The following TTC7B variants were observed in gnomAD, a reference collection of about 807,000 sequenced individuals.
TTC7B encodes tetratricopeptide repeat domain 7B.
In TTC7B, 28 loss-of-function variants were observed where a neutral mutation model predicts 106.8. The ratio of observed to expected loss-of-function variants is 0.26; its 90% CI spans 0.19 to 0.36. The LOEUF is 0.36. TTC7B is among the 10% of genes least tolerant of loss of function. The pLI is 1.00. For synonymous variants in TTC7B, 405 were observed against 430.6 expected (o/e 0.94, Z 0.74); for missense variants, 862 against 1,076.4 (o/e 0.80, Z 2.79).
chr14:90,639,651 C>T (rs1462057426), intron 15 of TTC7B, among the ~76,000 whole-genome samples: 1 of 152,188 alleles, frequency 6.6e-6, no homozygotes, highest in African/African-American at 2.4e-5. Flanking sequence ...TGAAGATACA[C>T]AAATCCTACG....
At chr14:90,636,901 T>C (rs1325639861) in intron 15 of TTC7B, among the ~76,000 whole-genome samples, 6 of 151,284 alleles carry the variant, frequency 4.0e-5, no homozygotes, top group African/African-American at 9.7e-5. Flanking sequence ...AGAGGAAAAT[T>C]TTTAGTCTTA....
At chr14:90,596,805 C>T (rs1017823029) in intron 17 of TTC7B, among the ~76,000 whole-genome samples, 2 of 152,178 alleles carry the variant, frequency 1.3e-5, no homozygotes, top group Non-Finnish European at 2.9e-5. Context: ...ATACCAGGCC[C>T]ATACTAAGTA....
chr14:90,641,942 T>G (rs965411910), intron 15 of TTC7B, among the ~76,000 whole-genome samples: 1 of 151,810 alleles, frequency 6.6e-6, no homozygotes, highest in Non-Finnish European at 1.5e-5. Flanking sequence ...TGCGTGTGTG[T>G]GTGTGTGTGT....
intron 5 of TTC7B, among the ~76,000 whole-genome samples, chr14:90,709,920 C>T (rs2983729): frequency 0.34 from 46,255 of 137,632 alleles, 7,922 homozygotes; most frequent in Middle Eastern, 0.43. Flanking sequence ...CTAATGAGTG[C>T]AATTTCATGT....
In TTC7B at chr14:90,527,176, A is replaced by G. The variant is rs983682714; in HGVS notation, c.*14192T>C. On this transcript the variant is annotated 3_prime_UTR_variant, in exon 20 of 20. Coordinates refer to ENST00000328459, the MANE Select transcript of TTC7B (RefSeq NM_001010854.2). ...TGCTCACCCCATCATATCTGGGGGT[A>G]CCTGGTATTCACACGACTCATCACT... 6.6e-6 allele frequency: 1 copy of G among 151,886 alleles called. No individual in the cohort carries two copies. The highest frequency in any genetic ancestry group is 2.4e-5 in the African/African-American group (1 of 41,348). 9.4% of individuals were successfully genotyped at this position (151,886 alleles called of 1,614,324 possible).
chr14:90,602,216 C>A (rs185392436), intron 17 of TTC7B: 57 of 455,918 alleles, frequency 1.3e-4, no homozygotes, highest in African/African-American at 1.1e-3. Context: ...GTGGAAAAAA[C>A]GATTACATTA....
In TTC7B at chr14:90,711,386, ATAGTT is replaced by A. The variant is rs1331500373; in HGVS notation, c.699-15813_699-15809del. On this transcript the variant is annotated intron_variant, in intron 5 of 19. Coordinates refer to ENST00000328459, the MANE Select transcript of TTC7B (RefSeq NM_001010854.2). ...CAATACTAACTTGAAGTTGACTGTG[ATAGTT>A]TAAAGATATATATTATAATCCATAG... Among the ~76,000 whole-genome samples, 4 of 152,328 alleles carry A rather than the reference ATAGTT, an allele frequency of 2.6e-5. No individual in the cohort carries two copies. The East Asian group carries it at 5.8e-4, about 22-fold the overall frequency.
intron 3 of TTC7B, among the ~76,000 whole-genome samples, chr14:90,745,855 CCACCA>C (rs981986512): frequency 6.6e-6 from 1 of 151,886 alleles, no homozygotes; most frequent in African/African-American, 2.4e-5. Flanking sequence ...CGGGCGCATT[CCACCA>C]CACCTGGCCA....
intron 17 of TTC7B, among the ~76,000 whole-genome samples, chr14:90,598,228 G>A (rs570215038): frequency 2.0e-5 from 3 of 152,346 alleles, no homozygotes; most frequent in South Asian, 2.1e-4. Context: ...GTGAGAGCTC[G>A]CTCTGAAATC....
At chr14:90,782,486 C>G (rs1008444096) in intron 2 of TTC7B, among the ~76,000 whole-genome samples, 2 of 152,100 alleles carry the variant, frequency 1.3e-5, no homozygotes, top group African/African-American at 4.8e-5. Context: ...GTAATCCCAG[C>G]TACTCAGGAG....
At chr14:90,617,698 A>G (rs1216115690) in intron 16 of TTC7B, among the ~76,000 whole-genome samples, 3 of 152,220 alleles carry the variant, frequency 2.0e-5, no homozygotes, top group Non-Finnish European at 4.4e-5. Flanking sequence ...GTGGGTCACT[A>G]TGGCAGTGAA....
intron 4 of TTC7B, among the ~76,000 whole-genome samples, chr14:90,736,423 AT>A (rs571624804): frequency 7.0e-4 from 107 of 152,122 alleles, no homozygotes; most frequent in African/African-American, 2.1e-3. Flanking sequence ...ATACAAAAAA[AT>A]AACTGGGCGT....
chr14:90,636,253 T>G (rs1269973974), intron 15 of TTC7B, among the ~76,000 whole-genome samples: 1 of 152,010 alleles, frequency 6.6e-6, no homozygotes, highest in Non-Finnish European at 1.5e-5. Context: ...CACATATATA[T>G]GTATGTGGCC....
In TTC7B at chr14:90,657,203, C is replaced by T; in HGVS notation, c.1312G>A (p.Ala438Thr). The T allele has an allele frequency of 6.2e-7, 1 of 1,614,068 alleles. No homozygotes were observed. The highest frequency in any genetic ancestry group is 8.5e-7 in the Non-Finnish European group (1 of 1,180,008). Residue 438 changes from alanine (A) to threonine (T), a missense_variant, in exon 11 of 20, where the codon GCC becomes ACC. By Grantham distance (58) the Ala-to-Thr change is moderately conservative. Transcript: ENST00000328459. This position sits in a 1 kb window ranked among gnomAD's most constrained non-coding sequence, Gnocchi z 4.2. ...TGCAGGGAGCCCATGCAGAGCTTGG[C>T]AGCGAGGAGAGGGATGGTGGCATCG... ...PDDATIPLLA[A>T]KLCMGSLHWL...
At chr14:90,605,043 C>T (rs1473898101) in intron 17 of TTC7B, among the ~76,000 whole-genome samples, 1 of 152,094 alleles carries the variant, frequency 6.6e-6, no homozygotes, top group Non-Finnish European at 1.5e-5. Context: ...ATCCAGATTC[C>T]CAGGCCCCAC....
At position 90,638,934 on chromosome 14, in the gene TTC7B, G is replaced by A. The variant is rs554317607; in HGVS notation, c.1751+5114C>T. Among the ~76,000 whole-genome samples, 14 of 152,344 alleles carry A rather than the reference G, an allele frequency of 9.2e-5. No homozygotes were observed. In the East Asian group the frequency reaches 2.7e-3, roughly 29 times the overall value. On this transcript the variant is annotated intron_variant, in intron 15 of 19. Coordinates refer to ENST00000328459, the MANE Select transcript of TTC7B (RefSeq NM_001010854.2). ...CGGACATTTGGTTGATGACAAAGGT[G>A]GAACTGTGGAGCAACAGGGCAAAGA...
At chr14:90,788,794 C>G (rs1241472686) in intron 1 of TTC7B, among the ~76,000 whole-genome samples, 1 of 151,902 alleles carries the variant, frequency 6.6e-6, no homozygotes, top group African/African-American at 2.4e-5. Flanking sequence ...GAAACTCTGT[C>G]TCTACTAAAA....
chr14:90,728,862 G>A (rs538647306), intron 5 of TTC7B, among the ~76,000 whole-genome samples: 2 of 152,246 alleles, frequency 1.3e-5, no homozygotes, highest in South Asian at 2.1e-4. Flanking sequence ...ACCATTTATC[G>A]TGAAAAGGGA....
chr14:90,685,135 C>T (rs1308157000), intron 7 of TTC7B, among the ~76,000 whole-genome samples: 3 of 152,158 alleles, frequency 2.0e-5, no homozygotes, highest in Non-Finnish European at 4.4e-5. Flanking sequence ...CCATTACAAC[C>T]AACTCTTCTG....
Sources: gnomAD v4.1 joint callset for allele counts (sites outside exome capture counted in the v4.1 genomes callset) on GRCh38, gnomAD v4.1.1 for gene constraint, Gnocchi (gnomAD v3.1) non-coding constraint, MANE v1.5 for transcripts, NCBI Gene and HGNC (gene_info 2026-07-23, HGNC 2026-07-21) for gene names.